The following SYNPO2 variants were observed in gnomAD, a reference collection of about 807,000 sequenced individuals.
SYNPO2 encodes synaptopodin 2.
SYNPO2 carries 56 observed loss-of-function variants against 85.0 expected under a neutral mutation model. The observed-to-expected ratio is 0.66, with a 90% CI of 0.53 to 0.82. SYNPO2 has a LOEUF of 0.82. Among genes scored for constraint, SYNPO2 ranks in the 40% least tolerant of loss-of-function variants. The probability of loss-of-function intolerance (pLI) is 0.00; values close to 1 mark genes in which losing one functional copy is unlikely to be tolerated. For synonymous variants in SYNPO2, 602 were observed against 591.1 expected, an observed-to-expected ratio of 1.02 and a Z score of -0.27; for missense variants, 1,575 against 1,534.2, an observed-to-expected ratio of 1.03 and a Z score of -0.44.
chr4:118,972,393 G>A lies in SYNPO2; in HGVS notation c.106-51037G>A, dbSNP rs1400485610. Among the ~76,000 whole-genome samples, 35 of 152,118 alleles carry A rather than the reference G, an allele frequency of 2.3e-4. 1 individual carries two copies. Among genetic ancestry groups the A allele is most frequent in the Admixed American group, 2.2e-3 (34 of 15,272 alleles). On this transcript the variant is annotated intron_variant, in intron 1 of 4. Transcript: ENST00000307142. Reference sequence around the variant, plus strand: ...CAGGAGGTGGAAGCTGCAGTGAACTGTGATTATGCCACTGCATTCCAGCCT... The same window carrying A: ...CAGGAGGTGGAAGCTGCAGTGAACTATGATTATGCCACTGCATTCCAGCCT...
intron 1 of SYNPO2, among the ~76,000 whole-genome samples, chr4:118,925,403 T>C (rs549665129): frequency 1.1e-4 from 17 of 152,254 alleles, no homozygotes; most frequent in African/African-American, 4.1e-4. Context: ...CCTTGTCATT[T>C]TTTTTTTCTA....
chr4:118,886,485 G>A (rs938482912), upstream of SYNPO2, among the ~76,000 whole-genome samples: 12 of 152,270 alleles, frequency 7.9e-5, no homozygotes, highest in Middle Eastern at 6.8e-3. Context: ...TCCCACTTAT[G>A]AGTGAGAACA....
chr4:118,998,130 G>T (rs1406673892), intron 1 of SYNPO2, among the ~76,000 whole-genome samples: 8 of 152,160 alleles, frequency 5.3e-5, no homozygotes, highest in Non-Finnish European at 1.2e-4. Context: ...AAAAGTATGT[G>T]TCAGTTATTT....
chr4:118,911,798 T>A (rs1733147590), intron 1 of SYNPO2, among the ~76,000 whole-genome samples: 1 of 152,106 alleles, frequency 6.6e-6, no homozygotes, highest in Admixed American at 6.5e-5. Context: ...TGTTTACAAA[T>A]CCCATTTTCA....
intron 1 of SYNPO2, among the ~76,000 whole-genome samples, chr4:119,007,864 A>C (rs1225731624): frequency 6.6e-6 from 1 of 152,224 alleles, no homozygotes; most frequent in Non-Finnish European, 1.5e-5. Context: ...GTTTTAAGGA[A>C]TATGAACATG....
At chr4:118,858,428 G>A (rs1348024916) in intron 1 of SYNPO2, among the ~76,000 whole-genome samples, 1 of 152,192 alleles carries the variant, frequency 6.6e-6, no homozygotes, top group Admixed American at 6.5e-5. Flanking sequence ...TAGAAACGCT[G>A]ATGGATTCCT....
At chr4:118,903,407 A>G (rs2149120205) in intron 1 of SYNPO2, among the ~76,000 whole-genome samples, 1 of 152,166 alleles carries the variant, frequency 6.6e-6, no homozygotes, top group East Asian at 1.9e-4. Context: ...TAAAGGAGGA[A>G]GTAACTGTCT....
intron 1 of SYNPO2, among the ~76,000 whole-genome samples, chr4:118,899,740 C>A (rs945097541): frequency 6.6e-6 from 1 of 152,032 alleles, no homozygotes; most frequent in Admixed American, 6.6e-5. Flanking sequence ...TAGTATTAAA[C>A]CCTGGCTGTA....
chr4:119,014,957 A>G (rs547397559), intron 1 of SYNPO2, among the ~76,000 whole-genome samples: 15 of 152,360 alleles, frequency 9.8e-5, no homozygotes, highest in Non-Finnish European at 1.8e-4. Context: ...ACCCTACTAC[A>G]GTAAATGTTC....
At chr4:119,012,099 T>A (rs935705168) in intron 1 of SYNPO2, among the ~76,000 whole-genome samples, 1 of 151,926 alleles carries the variant, frequency 6.6e-6, no homozygotes, top group Non-Finnish European at 1.5e-5. Context: ...ATTTTTGTAT[T>A]TTCAGTAGAG....
upstream of SYNPO2, among the ~76,000 whole-genome samples, chr4:118,886,383 G>A (rs769620746): frequency 9.2e-5 from 14 of 152,034 alleles, no homozygotes; most frequent in Non-Finnish European, 1.8e-4. Context: ...GTTATGTGTC[G>A]TAATGCTCTC....
intron 1 of SYNPO2, among the ~76,000 whole-genome samples, chr4:118,965,718 C>A (rs976544899): frequency 1.3e-5 from 2 of 152,094 alleles, no homozygotes; most frequent in South Asian, 2.1e-4. Context: ...GGAAATAAAA[C>A]CGTGTACAAG....
At chr4:119,032,366 G>A (rs1738313810) in intron 4 of SYNPO2, 2 of 1,221,686 alleles carry the variant, frequency 1.6e-6, no homozygotes, top group Admixed American at 3.9e-5. Flanking sequence ...AGTGATCAGT[G>A]ATATCAAACA....
At chr4:118,851,203 G>A (rs965760471) in intron 1 of SYNPO2, among the ~76,000 whole-genome samples, 13 of 152,076 alleles carry the variant, frequency 8.5e-5, no homozygotes, top group South Asian at 2.1e-4. Context: ...TCATGAAATT[G>A]AATACAATTA....
Position 118,891,866 on chromosome 4 carries a change from C to T in SYNPO2, c.105+2725C>T, listed in dbSNP as rs546300533. Among the ~76,000 whole-genome samples the T allele has an allele frequency of 4.6e-5, 7 of 152,206 alleles. No individual in the cohort carries two copies. In the East Asian group the frequency reaches 7.7e-4, roughly 17 times the overall value. ...ATTTTCAAAGAAAAGAAAATTTCGG[C>T]GAGTGCTTGAACCATGCTCCTTAAA... On this transcript the variant is annotated intron_variant, in intron 1 of 4. Coordinates refer to ENST00000307142, the MANE Select transcript of SYNPO2 (RefSeq NM_133477.3).
intron 4 of SYNPO2, among the ~76,000 whole-genome samples, chr4:119,045,827 T>C (rs1738853887): frequency 6.6e-6 from 1 of 152,208 alleles, no homozygotes; most frequent in African/African-American, 2.4e-5. Flanking sequence ...TTAATACAAG[T>C]ATTGTCACAG....
At chr4:119,034,702 G>A (rs1450924755) in intron 4 of SYNPO2, 1 of 985,386 alleles carries the variant, frequency 1.0e-6, no homozygotes, top group African/African-American at 1.7e-5. Flanking sequence ...GAAGTGGGAG[G>A]AAGAAGGACT....
chr4:118,924,646 C>T (rs750458550), intron 1 of SYNPO2, among the ~76,000 whole-genome samples: 6 of 152,298 alleles, frequency 3.9e-5, no homozygotes, highest in Middle Eastern at 3.4e-3. Flanking sequence ...AGATATATGG[C>T]ACACTTCCTA....
At chr4:119,043,871 G>C (rs1738794393) in intron 4 of SYNPO2, 1 of 145,758 alleles carries the variant, frequency 6.9e-6, no homozygotes, top group Non-Finnish European at 1.5e-5. Context: ...CTGGGGAGCA[G>C]AGGTTGCAGT....
Sources: allele counts gnomAD v4.1 joint callset (sites outside exome capture counted in the v4.1 genomes callset), GRCh38; gene constraint gnomAD v4.1.1; transcripts MANE v1.5; gene names NCBI Gene and HGNC (gene_info 2026-07-23, HGNC 2026-07-21).